NT5DC1: variants seen among roughly 807,000 people sequenced by gnomAD.
NT5DC1 encodes the protein 5'-nucleotidase domain-containing protein 1.
A neutral mutation model predicts 59.4 loss-of-function variants in NT5DC1; 42 were observed. That is an observed-to-expected ratio of 0.71 (90% CI 0.55 to 0.92). The LOEUF (loss-of-function observed/expected upper bound fraction) is 0.92, where lower values mean the gene tolerates loss of function less well. NT5DC1 is among the 40% of genes least tolerant of loss of function. The probability of loss-of-function intolerance (pLI) is 0.00; values close to 1 mark genes in which losing one functional copy is unlikely to be tolerated. For missense variants in NT5DC1, 501 were observed against 537.1 expected, an observed-to-expected ratio of 0.93 and a Z score of 0.66; for synonymous variants, 172 against 188.1, an observed-to-expected ratio of 0.91 and a Z score of 0.70.
At chr6:116,225,556 A>T (rs1320168585) in intron 8 of NT5DC1, among the ~76,000 whole-genome samples, 1 of 152,320 alleles carries the variant, frequency 6.6e-6, no homozygotes, top group East Asian at 1.9e-4. Flanking sequence ...GAAAAAGTCC[A>T]CTGAAATGAG....
chr6:116,106,613 A>G (rs1278643180), intron 2 of NT5DC1, among the ~76,000 whole-genome samples: 2 of 152,238 alleles, frequency 1.3e-5, no homozygotes, highest in African/African-American at 4.8e-5. Context: ...GTTTGTCATA[A>G]TAGTTTCAGA....
At chr6:116,142,989 A>G (rs1165152056) in intron 6 of NT5DC1, among the ~76,000 whole-genome samples, 3 of 152,216 alleles carry the variant, frequency 2.0e-5, no homozygotes, top group Admixed American at 6.5e-5. Context: ...GGATAAAATT[A>G]TAGACATTAT....
chr6:116,131,100 G>C (rs1201864930), intron 6 of NT5DC1, among the ~76,000 whole-genome samples: 1 of 151,890 alleles, frequency 6.6e-6, no homozygotes, highest in African/African-American at 2.4e-5. Context: ...TGTTTTCTCT[G>C]GTGTTCGGAT....
chr6:116,112,856 T>C (rs1778905606), intron 4 of NT5DC1, among the ~76,000 whole-genome samples: 5 of 152,274 alleles, frequency 3.3e-5, no homozygotes, highest in African/African-American at 1.2e-4. Context: ...GGAACTCCAG[T>C]TGATTTTATA....
At chr6:116,154,968 A>C (rs1304938585) in intron 6 of NT5DC1, among the ~76,000 whole-genome samples, 3 of 152,172 alleles carry the variant, frequency 2.0e-5, no homozygotes, top group Non-Finnish European at 4.4e-5. Context: ...ATACAACCAC[A>C]TTGTTCTTTC....
chr6:116,208,032 C>CT (rs142918721), intron 6 of NT5DC1, among the ~76,000 whole-genome samples: 5,869 of 152,030 alleles, frequency 0.039, 153 homozygotes, highest in South Asian at 0.073. Flanking sequence ...TATTCCAGGT[C>CT]TTTCGTTTGT....
At position 116,238,946 on chromosome 6, in the gene NT5DC1, T is replaced by G; in HGVS notation, c.1084-9T>G. ...TCACCATTTTAATTATTCTGTTCTC[T>G]TGTTTCAGGGACCAAAAGCAAAACC... On this transcript the variant is annotated splice_polypyrimidine_tract_variant and intron_variant, in intron 10 of 11. Transcript: ENST00000319550. 1 of 1,541,524 alleles carries G rather than the reference T, an allele frequency of 6.5e-7. No individual in the cohort carries two copies.
At chr6:116,185,494 G>T (rs1780976604) in intron 6 of NT5DC1, among the ~76,000 whole-genome samples, 1 of 151,830 alleles carries the variant, frequency 6.6e-6, no homozygotes. Flanking sequence ...TGTTGCTGTT[G>T]ATCTCATTTT....
At chr6:116,150,468 A>G (rs1013752924) in intron 6 of NT5DC1, among the ~76,000 whole-genome samples, 5 of 152,102 alleles carry the variant, frequency 3.3e-5, no homozygotes, top group African/African-American at 1.2e-4. Flanking sequence ...TATTTTTAAT[A>G]GAGACAGGGT....
chr6:116,215,356 G>A (rs1208048858), intron 6 of NT5DC1, among the ~76,000 whole-genome samples: 1 of 152,132 alleles, frequency 6.6e-6, no homozygotes, highest in African/African-American at 2.4e-5. Context: ...TGGAGCCTAA[G>A]CTGACTGTAA....
rs984005363 is a variant in NT5DC1, at chr6:116,131,503, T to G, written c.529+13558T>G. 2.0e-5 allele frequency among the ~76,000 whole-genome samples: 3 copies of G among 152,320 alleles called. No individual in the cohort carries two copies. The East Asian group carries it at 5.8e-4, about 29-fold the overall frequency. ...TTTCTTGACCTGAACTGCAGCTTTA[T>G]TATAGATAACAGTTTATATTGGAGA... On this transcript the variant is annotated intron_variant, in intron 6 of 11. Transcript: ENST00000319550.
At chr6:116,154,764 C>T (rs1043711054) in intron 6 of NT5DC1, among the ~76,000 whole-genome samples, 3 of 152,144 alleles carry the variant, frequency 2.0e-5, no homozygotes, top group African/African-American at 7.2e-5. Context: ...AAACTAAAAA[C>T]AAAGCACCGT....
intron 6 of NT5DC1, among the ~76,000 whole-genome samples, chr6:116,177,031 A>G (rs779961771): frequency 5.3e-5 from 8 of 152,244 alleles, no homozygotes; most frequent in Non-Finnish European, 1.2e-4. Context: ...CAAAATGTCC[A>G]GAGAACTACA....
At chr6:116,117,794 C>A in intron 5 of NT5DC1, 67 bp from the exon 6 acceptor site, 2 of 858,810 alleles carry the variant, frequency 2.3e-6, no homozygotes, top group Non-Finnish European at 1.9e-6. Flanking sequence ...TAATTGTTTG[C>A]CAGCATTTTT....
rs1475354288 is a variant in NT5DC1, at chr6:116,167,889, T to G, written c.529+49944T>G. The stretch of plus-strand genomic sequence containing the variant: ...TTCTGAAAATTTTTTTATTTCACTT[T>G]CATTCTTAGAGAATATTTTTAATGG... On this transcript the variant is annotated intron_variant, in intron 6 of 11. Transcript: ENST00000319550. Among the ~76,000 whole-genome samples, 6 of 152,206 alleles carry G rather than the reference T, an allele frequency of 3.9e-5. No homozygotes were observed. In the East Asian group the frequency reaches 9.6e-4, roughly 24 times the overall value.
intron 6 of NT5DC1, among the ~76,000 whole-genome samples, chr6:116,133,002 A>C (rs959895651): frequency 6.6e-6 from 1 of 152,218 alleles, no homozygotes; most frequent in Admixed American, 6.5e-5. Flanking sequence ...GCATAAAAAC[A>C]GGTGTTTATG....
At chr6:116,120,524 C>T in intron 6 of NT5DC1, 1 of 1,614,114 alleles carries the variant, frequency 6.2e-7, no homozygotes, top group Non-Finnish European at 8.5e-7. Context: ...AAGACTGGGC[C>T]TTTGGCCTGC....
chr6:116,150,727 T>C (rs1484879739), intron 6 of NT5DC1, among the ~76,000 whole-genome samples: 2 of 152,180 alleles, frequency 1.3e-5, no homozygotes, highest in Non-Finnish European at 2.9e-5. Flanking sequence ...TATTTGATGT[T>C]GTTTGCTATT....
chr6:116,231,287 A>G (rs1273813530), intron 8 of NT5DC1, among the ~76,000 whole-genome samples: 1 of 152,096 alleles, frequency 6.6e-6, no homozygotes, highest in Admixed American at 6.5e-5. Flanking sequence ...ATGCCAAGAA[A>G]CAGAGAAAGT....
Sources: allele counts gnomAD v4.1 joint callset (sites outside exome capture counted in the v4.1 genomes callset), GRCh38; gene constraint gnomAD v4.1.1; transcripts MANE v1.5; gene names NCBI Gene and HGNC (gene_info 2026-07-23, HGNC 2026-07-21).